Variants in FBXW8 observed in about 807,000 individuals in gnomAD.
FBXW8 encodes F-box/WD repeat-containing protein 8.
FBXW8 carries 57 observed loss-of-function variants against 65.3 expected under a neutral mutation model. The observed-to-expected ratio is 0.87, with a 90% CI of 0.71 to 1.09. The LOEUF (loss-of-function observed/expected upper bound fraction) is 1.09, where lower values mean the gene tolerates loss of function less well. Ranked by LOEUF, FBXW8 falls within the 50% of genes least tolerant of loss-of-function variation. The pLI is 0.00. For missense variants in FBXW8, 777 were observed against 814.8 expected (o/e 0.95, Z 0.57); for synonymous variants, 308 against 330.2 (o/e 0.93, Z 0.73).
chr12:116,985,065 A>T (rs751095282), intron 5 of FBXW8, 141 bp from the exon 6 acceptor site: 4 of 622,536 alleles, frequency 6.4e-6, no homozygotes, highest in Non-Finnish European at 1.1e-5. Flanking sequence ...TATGAAACGT[A>T]AGTGATTTCG....
chr12:116,946,335 T>A (rs1592871500), intron 3 of FBXW8, among the ~76,000 whole-genome samples: 1 of 152,326 alleles, frequency 6.6e-6, no homozygotes, highest in Middle Eastern at 3.4e-3. Context: ...CCAATACGCT[T>A]GATCTGGGCA....
Position 116,936,207 on chromosome 12 carries a change from A to G in FBXW8, c.423+8080A>G, listed in dbSNP as rs768453104. Among the ~76,000 whole-genome samples, 8 of 152,198 alleles carry G rather than the reference A, an allele frequency of 5.3e-5. No homozygotes were observed. Among genetic ancestry groups the G allele is most frequent in the Non-Finnish European group, 1.0e-4 (7 of 68,032 alleles). Reference sequence around the variant, plus strand: ...AGGAGGGGTGAAGGACACTGTGCAGATCTCTGGCAGAGTGGAATAGCAAGG... The same window carrying G: ...AGGAGGGGTGAAGGACACTGTGCAGGTCTCTGGCAGAGTGGAATAGCAAGG... On this transcript the variant is annotated intron_variant, in intron 2 of 10. Transcript: ENST00000652555. The surrounding 1 kb of genome is among the most constrained non-coding windows in gnomAD (Gnocchi z 4.6).
intron 2 of FBXW8, among the ~76,000 whole-genome samples, chr12:116,942,777 T>A (rs1565906766): frequency 1.5e-5 from 2 of 137,620 alleles, no homozygotes; most frequent in Non-Finnish European, 3.1e-5. Context: ...TCTATTTTTT[T>A]TTTTTTTTTT....
At chr12:117,021,521 C>T (rs1020866752) in intron 8 of FBXW8, among the ~76,000 whole-genome samples, 60 of 152,142 alleles carry the variant, frequency 3.9e-4, no homozygotes, top group African/African-American at 1.2e-3. Flanking sequence ...TAACTCTTTG[C>T]GCTCTCTGTA....
chr12:117,017,144 C>A (rs1247592437), intron 8 of FBXW8, among the ~76,000 whole-genome samples: 1 of 152,250 alleles, frequency 6.6e-6, no homozygotes, highest in Non-Finnish European at 1.5e-5. Context: ...GTAGGAAATA[C>A]TCATGACTTA....
chr12:116,997,515 T>A (rs1047980521), intron 7 of FBXW8, among the ~76,000 whole-genome samples: 1 of 152,146 alleles, frequency 6.6e-6, no homozygotes. Flanking sequence ...AGAAAGGTAA[T>A]GTCCTTTGTA....
intron 9 of FBXW8, among the ~76,000 whole-genome samples, chr12:117,026,034 G>T (rs1474856096): frequency 6.6e-6 from 1 of 152,226 alleles, no homozygotes; most frequent in African/African-American, 2.4e-5. Flanking sequence ...ATGGTCTCCT[G>T]CCCAGAACTC....
intron 1 of FBXW8, among the ~76,000 whole-genome samples, chr12:116,927,252 ATC>A (rs1001485883): frequency 6.6e-6 from 1 of 152,128 alleles, no homozygotes; most frequent in African/African-American, 2.4e-5. Flanking sequence ...TGACAGCCTT[ATC>A]TCTCAAATAA....
chr12:116,983,818 A>G (rs988515375), intron 5 of FBXW8, among the ~76,000 whole-genome samples: 1 of 152,236 alleles, frequency 6.6e-6, no homozygotes, highest in Admixed American at 6.5e-5. Flanking sequence ...ACAGAAAGGA[A>G]TGGTCCATCT....
intron 1 of FBXW8, among the ~76,000 whole-genome samples, chr12:116,916,878 G>A (rs2137286803): frequency 6.8e-6 from 1 of 147,522 alleles, no homozygotes; most frequent in Non-Finnish European, 1.5e-5. Context: ...TCTAGGGGTT[G>A]GCTAATTGTG....
chr12:116,916,596 C>A (rs1010451320), intron 1 of FBXW8, among the ~76,000 whole-genome samples: 4 of 151,694 alleles, frequency 2.6e-5, no homozygotes, highest in African/African-American at 9.7e-5. Context: ...TCAGTTTTTT[C>A]TGCATGAGAA....
intron 8 of FBXW8, among the ~76,000 whole-genome samples, chr12:117,013,275 G>A (rs1277116141): frequency 6.6e-6 from 1 of 152,120 alleles, no homozygotes; most frequent in Admixed American, 6.5e-5. Flanking sequence ...AAAATAAACA[G>A]AGTCTGATGA....
At position 116,911,371 on chromosome 12, in the gene FBXW8, C is replaced by T. The variant is rs1879920376; in HGVS notation, c.318+16C>T. ...CCGCGACCTGGTGAGTGGCCGTCGC[C>T]TCCCCCCCGCCCATGCCTGCGCCGG... On this transcript the variant is annotated intron_variant, in intron 1 of 10. Coordinates refer to ENST00000652555, the MANE Select transcript of FBXW8 (RefSeq NM_153348.3). The T allele has an allele frequency of 5.5e-6, 7 of 1,264,644 alleles. No individual in the cohort carries two copies. Among genetic ancestry groups the T allele is most frequent in the Non-Finnish European group, 6.9e-6 (7 of 1,007,610 alleles). 78.3% of individuals were successfully genotyped at this position (1,264,644 alleles called of 1,614,324 possible).
At chr12:117,010,955 TTCTCTTTAA>T (rs1464070226) in intron 8 of FBXW8, among the ~76,000 whole-genome samples, 1 of 152,202 alleles carries the variant, frequency 6.6e-6, no homozygotes, top group African/African-American at 2.4e-5. Context: ...ATTAGCAGCC[TTCTCTTTAA>T]TGCACTGGCT....
chr12:117,013,388 A>G (rs911366948), intron 8 of FBXW8, among the ~76,000 whole-genome samples: 1 of 152,148 alleles, frequency 6.6e-6, no homozygotes, highest in Non-Finnish European at 1.5e-5. Context: ...GAGAAAAGTG[A>G]GATTTTGCAT....
At chr12:117,018,765 G>A (rs763232954) in intron 8 of FBXW8, among the ~76,000 whole-genome samples, 3 of 152,126 alleles carry the variant, frequency 2.0e-5, no homozygotes, top group Non-Finnish European at 2.9e-5. Context: ...TTTGTTTGGA[G>A]CCATCCATGC....
chr12:117,014,160 G>A (rs992327150), intron 8 of FBXW8, among the ~76,000 whole-genome samples: 1 of 151,940 alleles, frequency 6.6e-6, no homozygotes, highest in Non-Finnish European at 1.5e-5. Context: ...CATCATCTCC[G>A]TTGCTCTGAC....
chr12:116,983,994 C>T (rs1384944740), intron 5 of FBXW8, among the ~76,000 whole-genome samples: 1 of 152,176 alleles, frequency 6.6e-6, no homozygotes, highest in Non-Finnish European at 1.5e-5. Context: ...CTCAAATAGT[C>T]ACAAACTGTT....
chr12:117,004,783 GCTCTCCTGTTTCCCCA>G (rs1953636975), intron 7 of FBXW8, among the ~76,000 whole-genome samples: 2 of 53,346 alleles, frequency 3.7e-5, no homozygotes, highest in African/African-American at 1.4e-3. Flanking sequence ...TGTTTCCCCA[GCTCTCCTGTTTCCCCA>G]GCTCTCCAGG....
Sources: gnomAD v4.1 joint callset for allele counts (sites outside exome capture counted in the v4.1 genomes callset) on GRCh38, gnomAD v4.1.1 for gene constraint, Gnocchi (gnomAD v3.1) non-coding constraint, MANE v1.5 for transcripts, NCBI Gene and HGNC (gene_info 2026-07-23, HGNC 2026-07-21) for gene names.